Variants in FCHO2 observed in about 807,000 individuals in gnomAD.
FCHO2 encodes FCH and mu domain containing endocytic adaptor 2.
A neutral mutation model predicts 114.1 loss-of-function variants in FCHO2; 43 were observed. That is an observed-to-expected ratio of 0.38 (90% CI 0.30 to 0.49). The LOEUF is 0.49. FCHO2 is among the 20% of genes least tolerant of loss of function. FCHO2 has a pLI of 0.97. For synonymous variants in FCHO2, 293 were observed against 315.2 expected, an observed-to-expected ratio of 0.93 and a Z score of 0.75; for missense variants, 807 against 950.4, an observed-to-expected ratio of 0.85 and a Z score of 1.98.
chr5:73,027,876 A>G (rs4704051), intron 8 of FCHO2, among the ~76,000 whole-genome samples: 1,629 of 152,272 alleles, frequency 0.011, 60 homozygotes, highest in Admixed American at 0.07. Flanking sequence ...AGCAGTAGAC[A>G]CTTAATAGAG....
At position 73,090,071 on chromosome 5, in the gene FCHO2, G is replaced by A. The variant is rs1411502794; in HGVS notation, c.*1981G>A. The A allele has an allele frequency of 6.6e-6, 1 of 152,508 alleles. No individual in the cohort carries two copies. The highest frequency in any genetic ancestry group is 1.5e-5 in the Non-Finnish European group (1 of 67,960). 9.4% of individuals were successfully genotyped at this position (152,508 alleles called of 1,614,324 possible). On this transcript the variant is annotated 3_prime_UTR_variant, in exon 26 of 26. Transcript: ENST00000430046. The stretch of plus-strand genomic sequence containing the variant: ...GGAATTCAGACACTGTTCTTACCGT[G>A]TTTGTTTTTAATCAAATATTACCTA...
chr5:73,013,952 G>A (rs983867835), intron 6 of FCHO2, among the ~76,000 whole-genome samples: 1 of 152,152 alleles, frequency 6.6e-6, no homozygotes, highest in Admixed American at 6.5e-5. Context: ...CCAAAGTGCT[G>A]GAATTACAGG....
chr5:73,052,307 A>T (rs1209601716), intron 12 of FCHO2, 25 bp from the exon 13 acceptor site: 3 of 1,579,390 alleles, frequency 1.9e-6, no homozygotes, highest in African/African-American at 1.4e-5. Context: ...GGTAATTTAA[A>T]AACAATTCTT....
chr5:73,087,060 A>G (rs1173464745), intron 24 of FCHO2, among the ~76,000 whole-genome samples: 1 of 152,162 alleles, frequency 6.6e-6, no homozygotes, highest in East Asian at 1.9e-4. Flanking sequence ...ACTGAAGTAT[A>G]CTGAATAAAT....
At chr5:73,041,149 A>G in intron 10 of FCHO2, 142 bp from the exon 11 acceptor site, 1 of 604,242 alleles carries the variant, frequency 1.7e-6, no homozygotes. Context: ...GTATGTTTTA[A>G]TCTTCATGGT....
intron 2 of FCHO2, 94 bp from the exon 3 acceptor site, chr5:72,989,333 C>T: frequency 1.2e-6 from 1 of 859,124 alleles, no homozygotes; most frequent in Non-Finnish European, 1.8e-6. Flanking sequence ...TTTGAGGTAT[C>T]TTTTTGTTTT....
At chr5:73,085,995 G>A (rs1318225629) in intron 24 of FCHO2, among the ~76,000 whole-genome samples, 5 of 151,530 alleles carry the variant, frequency 3.3e-5, no homozygotes, top group African/African-American at 7.3e-5. Flanking sequence ...GGTGGTGTGC[G>A]CCTGTAATCC....
intron 24 of FCHO2, among the ~76,000 whole-genome samples, chr5:73,084,043 T>A (rs946021970): frequency 3.9e-5 from 6 of 152,202 alleles, no homozygotes; most frequent in Admixed American, 2.0e-4. Context: ...CTTCTCTCAC[T>A]AAGTACATCT....
chr5:73,058,459 G>A lies in FCHO2; in HGVS notation c.1280G>A (p.Trp427Ter). Residue 427 changes from tryptophan (W) to a stop codon, truncating the protein, a stop_gained, in exon 17 of 26, where the codon TGG becomes TAG. Transcript: ENST00000430046. LOFTEE classifies it high-confidence loss of function. ...NEKGTSDLLA[W>*]DPLFGPSLDS... ...AAAGGAACCAGTGATTTACTTGCTT[G>A]GGACCCCCTATTTGGACCATCTCTT... 1 of 1,571,798 alleles carries A rather than the reference G, an allele frequency of 6.4e-7. No individual in the cohort carries two copies. Among genetic ancestry groups the A allele is most frequent in the East Asian group, 2.3e-5 (1 of 43,424 alleles).
At chr5:73,052,301 AT>A in intron 12 of FCHO2, 30 bp from the exon 13 acceptor site, 1 of 1,567,898 alleles carries the variant, frequency 6.4e-7, no homozygotes, top group Non-Finnish European at 8.7e-7. Flanking sequence ...GTCTAAGGTA[AT>A]TTAAAAACAA....
chr5:73,052,650 A>G, intron 13 of FCHO2, 143 bp downstream of exon 13: 1 of 699,302 alleles, frequency 1.4e-6, no homozygotes, highest in South Asian at 2.9e-5. Context: ...AGGGAAATAA[A>G]CTTGTGAATT....
chr5:73,045,101 G>A (rs1224516220), intron 11 of FCHO2, among the ~76,000 whole-genome samples: 1 of 152,176 alleles, frequency 6.6e-6, no homozygotes, highest in Non-Finnish European at 1.5e-5. Flanking sequence ...GTATGTAACA[G>A]TACTGTGTAC....
chr5:72,996,308 A>G (rs1754095274), intron 5 of FCHO2, among the ~76,000 whole-genome samples: 3 of 152,034 alleles, frequency 2.0e-5, no homozygotes, highest in Non-Finnish European at 2.9e-5. Context: ...TAGTTTAAAT[A>G]AATATTACTC....
At chr5:73,011,457 T>G (rs1175843434) in intron 6 of FCHO2, among the ~76,000 whole-genome samples, 3 of 147,690 alleles carry the variant, frequency 2.0e-5, no homozygotes, top group Non-Finnish European at 4.5e-5. Context: ...GTTTTAAAAT[T>G]TTTATTTTTT....
intron 1 of FCHO2, among the ~76,000 whole-genome samples, chr5:72,962,509 A>G (rs186640473): frequency 6.6e-6 from 1 of 152,314 alleles, no homozygotes; most frequent in African/African-American, 2.4e-5. Flanking sequence ...GCACCCTTAG[A>G]AATTCAAATG....
intron 2 of FCHO2, among the ~76,000 whole-genome samples, chr5:72,979,827 TTC>T (rs1174676471): frequency 2.0e-5 from 3 of 152,228 alleles, no homozygotes; most frequent in African/African-American, 7.2e-5. Context: ...TATTTGATTC[TTC>T]TCTCTTTTCT....
rs571734209 is a variant in FCHO2 at position 72,956,378 on chromosome 5, C to T, written c.33+249C>T. On this transcript the variant is annotated intron_variant, in intron 1 of 25. Transcript: ENST00000430046. ...GGGCCCGCAGCGGGGCCGCCGGCCA[C>T]CGGGGCTGGGACAAAGCGCCGGATG... is the stretch of plus-strand genomic sequence containing the variant. Among the ~76,000 whole-genome samples the T allele has an allele frequency of 9.9e-5, 15 of 151,730 alleles. No homozygotes were observed. The East Asian group carries it at 2.7e-3, about 28-fold the overall frequency.
intron 2 of FCHO2, among the ~76,000 whole-genome samples, chr5:72,971,208 A>T (rs1466719122): frequency 6.6e-6 from 1 of 152,108 alleles, no homozygotes; most frequent in African/African-American, 2.4e-5. Context: ...TCCTTTGGGT[A>T]TATACCCAGT....
At chr5:73,032,247 G>A (rs1756275684) in intron 8 of FCHO2, among the ~76,000 whole-genome samples, 4 of 152,090 alleles carry the variant, frequency 2.6e-5, no homozygotes, top group Non-Finnish European at 5.9e-5. Context: ...TTTTAAAAAG[G>A]TAGTATTTAG....
Sources: allele counts gnomAD v4.1 joint callset (sites outside exome capture counted in the v4.1 genomes callset), GRCh38; gene constraint gnomAD v4.1.1; transcripts MANE v1.5; gene names NCBI Gene and HGNC (gene_info 2026-07-23, HGNC 2026-07-21).